DPP6: variants seen among roughly 807,000 people sequenced by gnomAD.
The protein encoded by DPP6 is A-type potassium channel modulatory protein DPP6.
DPP6 carries 69 observed loss-of-function variants against 122.6 expected under a neutral mutation model. That is an observed-to-expected ratio of 0.56 (90% CI 0.46 to 0.69). DPP6 has a LOEUF of 0.69. Among genes scored for constraint, DPP6 ranks in the 30% least tolerant of loss-of-function variants. DPP6 has a pLI of 0.00. For missense variants in DPP6, 928 were observed against 1,116.9 expected (o/e 0.83, Z 2.41); for synonymous variants, 418 against 433.1 (o/e 0.97, Z 0.43).
chr7:154,152,487 G>A (rs140575666), intron 1 of DPP6, among the ~76,000 whole-genome samples: 2,269 of 152,198 alleles, frequency 0.015, 43 homozygotes, highest in African/African-American at 0.05. Flanking sequence ...TTTTATGCCC[G>A]CTGCAATGCT....
chr7:154,095,141 C>A (rs2150558780), intron 1 of DPP6: 1 of 151,624 alleles, frequency 6.6e-6, no homozygotes, highest in South Asian at 2.1e-4. Context: ...GATTTAGAAC[C>A]ATTCATGCCT....
At chr7:154,157,962 T>C (rs1314883655) in intron 1 of DPP6, among the ~76,000 whole-genome samples, 1 of 148,146 alleles carries the variant, frequency 6.8e-6, no homozygotes, top group Non-Finnish European at 1.5e-5. Flanking sequence ...TATATGTACA[T>C]ATATATATGT....
intron 3 of DPP6, among the ~76,000 whole-genome samples, chr7:154,539,590 C>A (rs984064074): frequency 1.3e-5 from 2 of 151,200 alleles, no homozygotes; most frequent in Admixed American, 6.6e-5. Flanking sequence ...ATGTAACAAA[C>A]CTGCATGTTG....
At chr7:154,012,843 A>G (rs1585174839) in intron 1 of DPP6, among the ~76,000 whole-genome samples, 2 of 152,140 alleles carry the variant, frequency 1.3e-5, no homozygotes, top group East Asian at 3.8e-4. Context: ...TGGATCTTAT[A>G]TTTTTGAGAA....
intron 1 of DPP6, among the ~76,000 whole-genome samples, chr7:154,240,684 G>C (rs1299869953): frequency 6.6e-6 from 1 of 152,198 alleles, no homozygotes; most frequent in African/African-American, 2.4e-5. Flanking sequence ...CCAAGCTGCA[G>C]AGGGAAAGGA....
intron 5 of DPP6, among the ~76,000 whole-genome samples, chr7:154,583,751 C>T (rs539293292): frequency 7.9e-5 from 12 of 152,314 alleles, no homozygotes; most frequent in Admixed American, 5.2e-4. Flanking sequence ...CGCATCACAT[C>T]TCTGTTCTGG....
At chr7:153,778,852 A>G in the DPP6 span, among the ~76,000 whole-genome samples, 7 of 149,810 alleles carry the variant, frequency 4.7e-5, no homozygotes, top group African/African-American at 1.0e-4. Context: ...CAAGAGAACT[A>G]CAGACTGTGC....
Position 154,062,048 on chromosome 7 carries a change from T to C in DPP6, c.243+8985T>C, listed in dbSNP as rs1186636643. Among the ~76,000 whole-genome samples, 3 of 107,488 alleles carry C rather than the reference T, an allele frequency of 2.8e-5. 1 individual carries two copies. The highest frequency in any genetic ancestry group is 5.8e-5 in the Non-Finnish European group (3 of 51,410). The allele number at this position is 107,488 out of a possible 152,430, so 70.5% of individuals were successfully genotyped here. On this transcript the variant is annotated intron_variant, in intron 1 of 25. Coordinates refer to ENST00000377770, the MANE Select transcript of DPP6 (RefSeq NM_130797.4). ...GAGGCACCCCCCGCGAGGCAGGGAC[T>C]GACAGCCAGCCCCTGGTTCCCCCAC...
At chr7:154,098,826 A>C (rs1805526541) in intron 1 of DPP6, among the ~76,000 whole-genome samples, 1 of 152,136 alleles carries the variant, frequency 6.6e-6, no homozygotes, top group Non-Finnish European at 1.5e-5. Context: ...TCTGCAAAGA[A>C]ATTGATAATG....
intron 5 of DPP6, among the ~76,000 whole-genome samples, chr7:154,635,090 G>A (rs943521364): frequency 6.6e-6 from 1 of 152,118 alleles, no homozygotes; most frequent in Non-Finnish European, 1.5e-5. Context: ...CCAAGGGATT[G>A]TTTAGAGAGA....
intron 1 of DPP6, among the ~76,000 whole-genome samples, chr7:154,392,022 C>T (rs180704606): frequency 1.2e-4 from 19 of 152,232 alleles, no homozygotes; most frequent in African/African-American, 4.6e-4. Flanking sequence ...ACCTATAGTC[C>T]CAGCACTTTG....
intron 1 of DPP6, among the ~76,000 whole-genome samples, chr7:153,953,777 CAT>C (rs756249177): frequency 6.6e-6 from 1 of 151,912 alleles, no homozygotes; most frequent in Non-Finnish European, 1.5e-5. Context: ...TAGACACACA[CAT>C]ACACACAAAG....
intron 1 of DPP6, among the ~76,000 whole-genome samples, chr7:153,970,376 A>G (rs1220820359): frequency 2.0e-5 from 3 of 152,168 alleles, no homozygotes; most frequent in East Asian, 1.9e-4. Flanking sequence ...GAATTGTAAG[A>G]TCTCTAAATA....
At chr7:154,388,680 G>A (rs1364833594) in intron 1 of DPP6, among the ~76,000 whole-genome samples, 1 of 152,146 alleles carries the variant, frequency 6.6e-6, no homozygotes, top group Non-Finnish European at 1.5e-5. Context: ...GAGCTGGAGG[G>A]CATGAGGGTG....
At chr7:154,666,192 T>TACACAC (rs1453659760) in intron 6 of DPP6, among the ~76,000 whole-genome samples, 6 of 66,128 alleles carry the variant, frequency 9.1e-5, no homozygotes, top group Admixed American at 5.8e-4. Context: ...TGTATATATA[T>TACACAC]ATATATATAC....
the DPP6 span, among the ~76,000 whole-genome samples, chr7:153,806,404 T>C: frequency 1.9e-3 from 284 of 151,904 alleles, 3 homozygotes; most frequent in African/African-American, 6.6e-3. Context: ...TTTACTTCTT[T>C]GACAAATATC....
chr7:153,928,321 C>A (rs1466703959), intron 1 of DPP6, among the ~76,000 whole-genome samples: 1 of 150,800 alleles, frequency 6.6e-6, no homozygotes, highest in Non-Finnish European at 1.5e-5. Context: ...AAGTGATTCT[C>A]CTGCCTTAGC....
chr7:154,552,887 T>G (rs1467656155), intron 4 of DPP6, among the ~76,000 whole-genome samples: 1 of 152,224 alleles, frequency 6.6e-6, no homozygotes, highest in Non-Finnish European at 1.5e-5. Flanking sequence ...GTAAAACTTC[T>G]TGATTCAGAA....
chr7:154,406,254 G>A (rs775791908), intron 1 of DPP6, among the ~76,000 whole-genome samples: 23 of 151,962 alleles, frequency 1.5e-4, no homozygotes, highest in Non-Finnish European at 2.6e-4. Context: ...CTTTTCATAC[G>A]GTTTTCAAAA....
Sources: allele counts gnomAD v4.1 joint callset (sites outside exome capture counted in the v4.1 genomes callset), GRCh38; gene constraint gnomAD v4.1.1; transcripts MANE v1.5; gene names NCBI Gene and HGNC (gene_info 2026-07-23, HGNC 2026-07-21).